The following CELF2 variants were observed in gnomAD, a reference collection of about 807,000 sequenced individuals.
CELF2 encodes CUG triplet repeat RNA-binding protein 2.
CELF2 carries 8 observed loss-of-function variants against 62.6 expected under a neutral mutation model. The observed-to-expected ratio is 0.13, with a 90% CI of 0.07 to 0.23. The LOEUF is 0.23. Ranked by LOEUF, CELF2 falls within the 10% of genes least tolerant of loss-of-function variation. CELF2 has a pLI of 1.00. For missense variants in CELF2, 333 were observed against 671.0 expected (o/e 0.50, Z 5.56); for synonymous variants, 258 against 250.0 (o/e 1.03, Z -0.30).
At chr10:11,086,862 T>A (rs2046959782) in intron 1 of CELF2, among the ~76,000 whole-genome samples, 3 of 152,204 alleles carry the variant, frequency 2.0e-5, no homozygotes, top group Admixed American at 2.0e-4. Context: ...AGGTGTTTTC[T>A]TGCTTTCTTA....
intron 9 of CELF2, among the ~76,000 whole-genome samples, chr10:11,301,623 A>G (rs2093761688): frequency 6.8e-6 from 1 of 147,302 alleles, no homozygotes; most frequent in African/African-American, 2.5e-5. Context: ...CCACCTGTGC[A>G]GAGTGGCGGC....
At chr10:11,271,717 C>CTGTG (rs3064843) in intron 7 of CELF2, among the ~76,000 whole-genome samples, 1,733 of 150,968 alleles carry the variant, frequency 0.011, 38 homozygotes, top group African/African-American at 0.04. Context: ...GAGGGTGTCT[C>CTGTG]TGTGTGTGTG....
the CELF2 span, among the ~76,000 whole-genome samples, chr10:10,674,773 C>T: frequency 1.3e-5 from 2 of 152,004 alleles, no homozygotes; most frequent in East Asian, 1.9e-4. Context: ...TCAAATAACA[C>T]TGTGCCACTT....
intron 3 of CELF2, among the ~76,000 whole-genome samples, chr10:11,233,292 C>T (rs1231866820): frequency 6.6e-6 from 1 of 152,186 alleles, no homozygotes; most frequent in Non-Finnish European, 1.5e-5. Flanking sequence ...CAAACGCTGT[C>T]TCCTAAGTTA....
Position 11,246,965 on chromosome 10 carries a change from G to A in CELF2, c.355-2188G>A, listed in dbSNP as rs1387580379. ...CTCTTTGCTCATGCTTTCCCCATTCGGGCAGTCATCCCACAGTCACCTGGT... is the reference window on the plus strand; with the variant it reads ...CTCTTTGCTCATGCTTTCCCCATTCAGGCAGTCATCCCACAGTCACCTGGT... On this transcript the variant is annotated intron_variant, in intron 3 of 12. Coordinates refer to ENST00000633077, the MANE Select transcript of CELF2 (RefSeq NM_001326342.2). The surrounding 1 kb of genome is among the most constrained non-coding windows in gnomAD (Gnocchi z 4.6). Among the ~76,000 whole-genome samples the A allele has an allele frequency of 3.9e-5, 6 of 152,024 alleles. No individual in the cohort carries two copies. Among genetic ancestry groups the A allele is most frequent in the African/African-American group, 7.3e-5 (3 of 41,378 alleles).
chr10:10,789,368 A>G, the CELF2 span, among the ~76,000 whole-genome samples: 2 of 152,220 alleles, frequency 1.3e-5, no homozygotes, highest in Admixed American at 6.5e-5. Flanking sequence ...GATATGTCAT[A>G]TGCATATATA....
At chr10:10,648,038 C>CAAATTTACTTACCCTTCAAG in the CELF2 span, among the ~76,000 whole-genome samples, 2 of 152,188 alleles carry the variant, frequency 1.3e-5, no homozygotes, top group Non-Finnish European at 2.9e-5. Flanking sequence ...ACTTCATGTA[C>CAAATTTACTTACCCTTCAAG]AAATTTACTT....
intron 9 of CELF2, among the ~76,000 whole-genome samples, chr10:11,292,995 C>G (rs2092713768): frequency 6.6e-6 from 1 of 152,228 alleles, no homozygotes; most frequent in South Asian, 2.1e-4. Context: ...GTCTTACACA[C>G]TGTTGGCAAC....
intron 1 of CELF2, among the ~76,000 whole-genome samples, chr10:11,158,560 C>T (rs953792626): frequency 4.6e-5 from 7 of 152,098 alleles, no homozygotes; most frequent in African/African-American, 1.7e-4. Flanking sequence ...GCCTTGCTCC[C>T]TTCCCAGGGA....
chr10:10,692,326 T>C, the CELF2 span, among the ~76,000 whole-genome samples: 4 of 151,688 alleles, frequency 2.6e-5, no homozygotes, highest in East Asian at 1.9e-4. Flanking sequence ...TGTAGATATG[T>C]GGCATTATTT....
chr10:11,091,875 G>C lies in CELF2; in HGVS notation c.75-73611G>C, dbSNP rs75664909. On this transcript the variant is annotated intron_variant, in intron 1 of 12. Transcript: ENST00000633077. ...TCTCACAGATATAACTCGTTCATGA[G>C]GAAACCAGTAAGACGGTAACGTTGG... 8.1e-3 allele frequency among the ~76,000 whole-genome samples: 1,238 copies of C among 152,260 alleles called. 17 individuals carry two copies. Among genetic ancestry groups the C allele is most frequent in the African/African-American group, 0.028 (1,182 of 41,542 alleles).
At chr10:10,727,410 G>A in the CELF2 span, among the ~76,000 whole-genome samples, 2 of 152,168 alleles carry the variant, frequency 1.3e-5, no homozygotes, top group East Asian at 3.9e-4. Flanking sequence ...TATTGATACG[G>A]AACTAAACTC....
At chr10:10,942,596 A>G (rs1209670030) in intron 2 of CELF2, among the ~76,000 whole-genome samples, 1 of 152,186 alleles carries the variant, frequency 6.6e-6, no homozygotes, top group East Asian at 1.9e-4. Context: ...AACTTAATCT[A>G]ATGACATGCC....
At chr10:10,758,821 C>T in the CELF2 span, among the ~76,000 whole-genome samples, 1 of 152,142 alleles carries the variant, frequency 6.6e-6, no homozygotes, top group African/African-American at 2.4e-5. Flanking sequence ...AAAACAAATG[C>T]CTTTCTTTTT....
chr10:10,830,120 G>A (rs1189346836), intron 1 of CELF2, among the ~76,000 whole-genome samples: 3 of 152,030 alleles, frequency 2.0e-5, no homozygotes, highest in Admixed American at 6.5e-5. Context: ...AGCAATTTCT[G>A]TTGAAAAGTT....
At chr10:10,605,270 G>A in the CELF2 span, among the ~76,000 whole-genome samples, 194 of 152,122 alleles carry the variant, frequency 1.3e-3, 1 homozygote, top group African/African-American at 4.3e-3. Flanking sequence ...GAGGCTTGTC[G>A]GGGGGTGGGG....
chr10:11,056,365 A>T (rs924873958), intron 1 of CELF2, among the ~76,000 whole-genome samples: 2 of 152,232 alleles, frequency 1.3e-5, no homozygotes, highest in African/African-American at 4.8e-5. Flanking sequence ...CATAGCTAGG[A>T]ATAGGTGCCT....
rs1346220777 is a variant in CELF2, at chr10:10,928,404, T to C, written c.89+8405T>C. On this transcript the variant is annotated intron_variant, in intron 2 of 13. Transcript: ENST00000636488. The surrounding 1 kb of genome is among the most constrained non-coding windows in gnomAD (Gnocchi z 4.8). ...TCATCTCTCTGCTCTTTTTCTCCCC[T>C]ACCAAACTCTCTACCACTTGTTCTT... 2.0e-5 allele frequency among the ~76,000 whole-genome samples: 3 copies of C among 152,184 alleles called. No individual in the cohort carries two copies. Among genetic ancestry groups the C allele is most frequent in the Non-Finnish European group, 2.9e-5 (2 of 68,036 alleles).
the CELF2 span, among the ~76,000 whole-genome samples, chr10:10,499,776 T>A: frequency 2.0e-5 from 3 of 151,952 alleles, no homozygotes; most frequent in South Asian, 6.2e-4. Context: ...TACTCAGGAG[T>A]CTGAGGCAGG....
Sources: gnomAD v4.1 joint callset for allele counts (sites outside exome capture counted in the v4.1 genomes callset) on GRCh38, gnomAD v4.1.1 for gene constraint, Gnocchi (gnomAD v3.1) non-coding constraint, MANE v1.5 for transcripts, NCBI Gene and HGNC (gene_info 2026-07-23, HGNC 2026-07-21) for gene names.